The following DOCK7 variants were observed in gnomAD, a reference collection of about 807,000 sequenced individuals.
The protein encoded by DOCK7 is dedicator of cytokinesis protein 7.
In DOCK7, 138 loss-of-function variants were observed where a neutral mutation model predicts 271.0. The observed-to-expected ratio is 0.51, with a 90% CI of 0.44 to 0.59. DOCK7 has a LOEUF of 0.59. Ranked by LOEUF, DOCK7 falls within the 20% of genes least tolerant of loss-of-function variation. DOCK7 has a pLI of 0.00. For synonymous variants in DOCK7, 823 were observed against 876.1 expected, an observed-to-expected ratio of 0.94 and a Z score of 1.07; for missense variants, 2,066 against 2,592.4, an observed-to-expected ratio of 0.80 and a Z score of 4.41.
intron 1 of DOCK7, among the ~76,000 whole-genome samples, chr1:62,677,761 A>G (rs1424590101): frequency 1.3e-5 from 2 of 152,192 alleles, no homozygotes; most frequent in Non-Finnish European, 2.9e-5. Flanking sequence ...ACCCAAACTA[A>G]AAGGATATCT....
Position 62,604,923 on chromosome 1 carries a change from A to AT in DOCK7, c.1682+13782dup, listed in dbSNP as rs565270071. ...CCTTAAGAGAAAGCTTGAGAAATAGATTTTTTTTATCTTAAAGTCACTGTC... is the reference window on the plus strand; with the variant it reads ...CCTTAAGAGAAAGCTTGAGAAATAGATTTTTTTTTATCTTAAAGTCACTGTC... On this transcript the variant is annotated intron_variant, in intron 14 of 49. Coordinates refer to ENST00000635253, the MANE Select transcript of DOCK7 (RefSeq NM_001367561.1). 1.5e-4 allele frequency: 178 copies of AT among 1,180,172 alleles called. No homozygotes were observed. The East Asian group carries it at 2.9e-3, about 19-fold the overall frequency. The allele number at this position is 1,180,172 out of a possible 1,614,324, so 73.1% of individuals were successfully genotyped here.
intron 1 of DOCK7, among the ~76,000 whole-genome samples, chr1:62,678,774 T>TA (rs973002034): frequency 2.1e-4 from 32 of 151,808 alleles, no homozygotes; most frequent in Non-Finnish European, 1.2e-4. Flanking sequence ...TTATAATTTG[T>TA]AAAAAAAATA....
chr1:62,677,443 A>G (rs1037385933), intron 1 of DOCK7, among the ~76,000 whole-genome samples: 6 of 152,192 alleles, frequency 3.9e-5, no homozygotes, highest in Non-Finnish European at 7.3e-5. Context: ...AGATACGAAG[A>G]TAAGAGGCTG....
chr1:62,513,844 A>G lies in DOCK7; in HGVS notation c.3991T>C (p.Cys1331Arg), dbSNP rs750772186. Residue 1331 changes from cysteine to arginine, a missense_variant, in exon 32 of 50, where the codon TGT becomes CGT. Physicochemically the swap from Cys to Arg is radical, Grantham distance 180. This residue lies in a region of DOCK7 where 1,414 missense variants were observed against 1,670.4 expected (regional missense o/e 0.85). Transcript: ENST00000635253. ...SAESSRSLLICLLWVLKNADE... is the reference protein window; with the variant it reads ...SAESSRSLLIRLLWVLKNADE... ...GCATTTTTGAGAACCCAAAGTAGAC[A>G]GATCAAAAGGCTTCGACTTGATTCT... 1 of 1,614,040 alleles carries G rather than the reference A, an allele frequency of 6.2e-7. No homozygotes were observed. The highest frequency in any genetic ancestry group is 8.5e-7 in the Non-Finnish European group (1 of 1,179,964).
intron 31 of DOCK7, among the ~76,000 whole-genome samples, chr1:62,526,942 G>C (rs1645028236): frequency 6.6e-6 from 1 of 152,074 alleles, no homozygotes; most frequent in Admixed American, 6.5e-5. Flanking sequence ...ATAGGTATAA[G>C]GAATCTTTTC....
At chr1:62,475,093 C>A (rs1434594675) in intron 47 of DOCK7, 115 bp downstream of exon 47, 14 of 1,165,014 alleles carry the variant, frequency 1.2e-5, no homozygotes, top group Non-Finnish European at 1.6e-5. Flanking sequence ...TAGAAAAATA[C>A]AGGCAGTAGA....
At chr1:62,661,912 T>C (rs1452344578) in intron 2 of DOCK7, among the ~76,000 whole-genome samples, 1 of 152,190 alleles carries the variant, frequency 6.6e-6, no homozygotes, top group Non-Finnish European at 1.5e-5. Flanking sequence ...ACCAAGAGCA[T>C]TTTGGAAGGA....
At chr1:62,456,737 T>C (rs1252874425) in intron 49 of DOCK7, among the ~76,000 whole-genome samples, 1 of 152,012 alleles carries the variant, frequency 6.6e-6, no homozygotes, top group Non-Finnish European at 1.5e-5. Context: ...ATTAGGCCTA[T>C]CTCAGGGACC....
intron 42 of DOCK7, chr1:62,488,186 C>A (rs760031010): frequency 1.3e-5 from 2 of 152,282 alleles, no homozygotes; most frequent in Non-Finnish European, 1.5e-5. Flanking sequence ...TAGGGTAGCA[C>A]GGGGAAGGGA....
At chr1:62,611,953 T>C (rs1394861671) in intron 14 of DOCK7, among the ~76,000 whole-genome samples, 1 of 149,670 alleles carries the variant, frequency 6.7e-6, no homozygotes, top group Non-Finnish European at 1.5e-5. Context: ...GAGACATGCC[T>C]GGCCAACACA....
chr1:62,545,739 A>T (rs1462750754), intron 22 of DOCK7, among the ~76,000 whole-genome samples: 1 of 152,088 alleles, frequency 6.6e-6, no homozygotes, highest in Admixed American at 6.6e-5. Flanking sequence ...TTAATTTAAA[A>T]TTTCTTTAAA....
At chr1:62,467,269 G>A (rs557484165) in intron 48 of DOCK7, among the ~76,000 whole-genome samples, 1 of 152,328 alleles carries the variant, frequency 6.6e-6, no homozygotes, top group South Asian at 2.1e-4. Flanking sequence ...CCATGAAATA[G>A]TTGTAGATAT....
Position 62,513,614 on chromosome 1 carries a change from G to A in DOCK7, c.4120-8C>T. The stretch of plus-strand genomic sequence containing the variant: ...TTCAAACACTTTTTTCCCCTAAAAT[G>A]TAAACATTAGAAGAGAAGAGGTATT... On this transcript the variant is annotated splice_polypyrimidine_tract_variant and splice_region_variant and intron_variant, in intron 32 of 49. Coordinates refer to ENST00000635253, the MANE Select transcript of DOCK7 (RefSeq NM_001367561.1). The A allele has an allele frequency of 6.2e-7, 1 of 1,610,372 alleles. No homozygotes were observed. Among genetic ancestry groups the A allele is most frequent in the Admixed American group, 1.7e-5 (1 of 59,052 alleles).
At chr1:62,588,000 T>C (rs998080572) in intron 14 of DOCK7, among the ~76,000 whole-genome samples, 5 of 152,034 alleles carry the variant, frequency 3.3e-5, no homozygotes, top group Non-Finnish European at 7.4e-5. Context: ...TGCCAGAGGA[T>C]GGGAATGTCT....
chr1:62,491,940 T>A (rs1646478729), intron 41 of DOCK7, among the ~76,000 whole-genome samples: 1 of 152,210 alleles, frequency 6.6e-6, no homozygotes, highest in Non-Finnish European at 1.5e-5. Context: ...CTGGGCACAG[T>A]AGCTCATGCC....
intron 14 of DOCK7, among the ~76,000 whole-genome samples, chr1:62,618,283 T>C (rs1652707754): frequency 6.6e-6 from 1 of 152,166 alleles, no homozygotes; most frequent in Non-Finnish European, 1.5e-5. Flanking sequence ...ATTTGATTCT[T>C]GTGTAATGCT....
intron 9 of DOCK7, among the ~76,000 whole-genome samples, chr1:62,634,219 A>C (rs1194009165): frequency 6.6e-6 from 1 of 152,100 alleles, no homozygotes; most frequent in Admixed American, 6.5e-5. Context: ...ATATACACTG[A>C]AGACTATAAA....
At position 62,577,246 on chromosome 1, in the gene DOCK7, C is replaced by T; in HGVS notation, c.2112+16G>A. The T allele has an allele frequency of 1.4e-6, 2 of 1,413,066 alleles. No homozygotes were observed. Among genetic ancestry groups the T allele is most frequent in the Non-Finnish European group, 1.9e-6 (2 of 1,060,858 alleles). 87.5% of individuals were successfully genotyped at this position (1,413,066 alleles called of 1,614,324 possible). A position where few individuals can be genotyped will look rare whatever the true frequency, so the allele number is the denominator to read the frequency against. ...TTTCATTCAATCTGGAGAAAGTCAACATGGGAGACACTGACCTCAGGAGAC... is the reference window on the plus strand; with the variant it reads ...TTTCATTCAATCTGGAGAAAGTCAATATGGGAGACACTGACCTCAGGAGAC... On this transcript the variant is annotated intron_variant, in intron 18 of 49. Transcript: ENST00000635253.
chr1:62,489,014 G>T lies in DOCK7; in HGVS notation c.5413C>A (p.His1805Asn). Residue 1805 changes from histidine to asparagine, a missense_variant, in exon 42 of 50, where the codon CAT becomes AAT. Coordinates refer to ENST00000635253, the MANE Select transcript of DOCK7 (RefSeq NM_001367561.1). ...TTCTTTGCATCCCGATTAGCTTCATGAATAGGAATAAGTACTTTGTAAACT... is the reference window on the plus strand; with the variant it reads ...TTCTTTGCATCCCGATTAGCTTCATTAATAGGAATAAGTACTTTGTAAACT... The part of the protein sequence containing the change: ...NEVYKVLIPI[H>N]EANRDAKKLS... The T allele has an allele frequency of 6.2e-7, 1 of 1,612,654 alleles. No homozygotes were observed. Among genetic ancestry groups the T allele is most frequent in the Non-Finnish European group, 8.5e-7 (1 of 1,179,164 alleles).
Sources: gnomAD v4.1 joint callset for allele counts (sites outside exome capture counted in the v4.1 genomes callset) on GRCh38, gnomAD v4.1.1 for gene constraint, gnomAD v4.1.1 regional missense constraint, MANE v1.5 for transcripts, NCBI Gene and HGNC (gene_info 2026-07-23, HGNC 2026-07-21) for gene names.